Variants in CP observed in about 807,000 individuals in gnomAD.
CP encodes the protein ceruloplasmin, also known as caeruloplasmin.
Under a neutral mutation model 122.4 loss-of-function variants are expected in CP, and 64 were observed. The observed-to-expected ratio is 0.52, with a 90% CI of 0.43 to 0.64. The LOEUF (loss-of-function observed/expected upper bound fraction) is 0.64. Among genes scored for constraint, CP ranks in the 30% least tolerant of loss-of-function variants. The pLI is 0.00. For missense variants in CP, 1,167 were observed against 1,284.4 expected (o/e 0.91, Z 1.40); for synonymous variants, 440 against 436.4 (o/e 1.01, Z -0.10).
At position 149,181,993 on chromosome 3, in the gene CP, C is replaced by CCA; in HGVS notation, c.2554+11_2554+12insTG. 1 of 917,706 alleles carries CCA rather than the reference C, an allele frequency of 1.1e-6. No individual in the cohort carries two copies. Among genetic ancestry groups the CCA allele is most frequent in the Non-Finnish European group, 1.6e-6 (1 of 613,802 alleles). The allele number at this position is 917,706 out of a possible 1,614,324, so 56.8% of individuals were successfully genotyped here. ...TAAAATGCACCACCCCCACCCCCGC[C>CCA]CCCGTGAGTACCTGGTAATGTTGGA... On this transcript the variant is annotated intron_variant, in intron 14 of 18. Coordinates refer to ENST00000264613, the MANE Select transcript of CP (RefSeq NM_000096.4).
rs1309328842 is a variant in CP, at chr3:149,202,273, G to A, written c.1209-32C>T. 5 of 1,613,776 alleles carry A rather than the reference G, an allele frequency of 3.1e-6. No homozygotes were observed. In the African/African-American group the frequency reaches 5.3e-5, roughly 17 times the overall value. On this transcript the variant is annotated intron_variant, in intron 6 of 18. Coordinates refer to ENST00000264613, the MANE Select transcript of CP (RefSeq NM_000096.4). ...GGGGAAAAAAGTGTTTAATGCTGGG[G>A]TTGAAGTAGAACAGAAAGCAGGTAT...
At chr3:149,191,969 C>A (rs1047747159) in intron 9 of CP, among the ~76,000 whole-genome samples, 1 of 152,058 alleles carries the variant, frequency 6.6e-6, no homozygotes, top group Admixed American at 6.6e-5. Context: ...GAGATGAATT[C>A]TCTCCAACTA....
Position 149,210,341 on chromosome 3 carries a change from CT to C in CP, c.432del (p.Ala145GlnfsTer31). The C allele has an allele frequency of 6.2e-7, 1 of 1,614,062 alleles. No homozygotes were observed. The highest frequency in any genetic ancestry group is 1.3e-5 in the African/African-American group (1 of 75,038). The stretch of plus-strand genomic sequence containing the variant: ...TCTCCTGGATATACTTTGTCATCTG[CT>C]CTTTGAAAATCTGTGGTGTTATCAG... ...IYPDNTTDFQ[R>X]ADDKVYPGEQ... is the part of the protein sequence containing the mutation. On this transcript the variant is annotated frameshift_variant, in exon 3 of 19. Coordinates refer to ENST00000264613, the MANE Select transcript of CP (RefSeq NM_000096.4). LOFTEE classifies it high-confidence loss of function.
At chr3:149,183,379 A>G in intron 13 of CP, 87 bp downstream of exon 13, 1 of 1,419,006 alleles carries the variant, frequency 7.0e-7, no homozygotes, top group Admixed American at 1.8e-5. Context: ...AACCAAGAAA[A>G]TGAAACCCAT....
At chr3:149,173,912 ACTTT>A (rs1725225335) in intron 18 of CP, among the ~76,000 whole-genome samples, 182 bp from the exon 19 acceptor site, 1 of 152,172 alleles carries the variant, frequency 6.6e-6, no homozygotes, top group South Asian at 2.1e-4. Flanking sequence ...AAGAAAGATT[ACTTT>A]CTTCCCTACA....
chr3:149,214,043 C>T (rs1354651613), intron 1 of CP, among the ~76,000 whole-genome samples: 1 of 152,150 alleles, frequency 6.6e-6, no homozygotes, highest in Admixed American at 6.5e-5. Flanking sequence ...CATTATTAAC[C>T]AACACACTGG....
chr3:149,182,280 A>G lies in CP; in HGVS notation c.2426-147T>C, dbSNP rs1052607913. 3.9e-5 allele frequency: 34 copies of G among 882,626 alleles called. No homozygotes were observed. The South Asian group carries it at 4.5e-4, about 12-fold the overall frequency. The allele number at this position is 882,626 out of a possible 1,614,324, so 54.7% of individuals were successfully genotyped here. ...TATACTGCGTCCCAGGGAATTTGGA[A>G]TCAATACACTGGAAATAAAAATGGA... On this transcript the variant is annotated intron_variant, in intron 13 of 18. Coordinates refer to ENST00000264613, the MANE Select transcript of CP (RefSeq NM_000096.4).
chr3:149,177,784 C>T (rs752008793), intron 17 of CP, 56 bp downstream of exon 17: 1 of 1,574,812 alleles, frequency 6.3e-7, no homozygotes, highest in Admixed American at 1.7e-5. Flanking sequence ...ATTTTCTTCA[C>T]TTGTATTAAA....
At position 149,194,686 on chromosome 3, in the gene CP, A is replaced by C. The variant is rs570274035; in HGVS notation, c.1713+3681T>G. Among the ~76,000 whole-genome samples the C allele has an allele frequency of 2.6e-5, 4 of 152,360 alleles. No individual in the cohort carries two copies. The East Asian group carries it at 7.7e-4, about 29-fold the overall frequency. Reference sequence around the variant, plus strand: ...GAAAAACACAAAAGTAGACTTGAACAAATGGAAAGACATACGTTCTTATGT... The same window carrying C: ...GAAAAACACAAAAGTAGACTTGAACCAATGGAAAGACATACGTTCTTATGT... On this transcript the variant is annotated intron_variant, in intron 9 of 18. Coordinates refer to ENST00000264613, the MANE Select transcript of CP (RefSeq NM_000096.4).
chr3:149,212,143 A>T (rs1000592550), intron 2 of CP, among the ~76,000 whole-genome samples: 1 of 151,710 alleles, frequency 6.6e-6, no homozygotes, highest in African/African-American at 2.4e-5. Context: ...AATGCAAAAA[A>T]AAAATAAAAA....
At chr3:149,186,753 C>T (rs1244401025) in intron 10 of CP, 21 bp from the exon 11 acceptor site, 38 of 1,609,736 alleles carry the variant, frequency 2.4e-5, no homozygotes, top group Non-Finnish European at 3.1e-5. Context: ...TGGGAAATAA[C>T]ATTTTGGAAG....
rs761993983 is a variant in CP at position 149,185,255 on chromosome 3, G to T, written c.2269C>A (p.His757Asn). The change falls in exon 12 of 19, where the codon CAT becomes AAT. Residue 757 changes from histidine (H) to asparagine (N), a missense_variant. By Grantham distance (68) the His-to-Asn change is moderately conservative. This residue lies in a region of CP where 525 missense variants were observed against 657.2 expected (regional missense o/e 0.80). Transcript: ENST00000264613. ...GAGAATTACTTCTGCTCTTGTAAAT[G>T]ATGCAGCTCCTTTTCCCACTCCCTT... is the stretch of plus-strand genomic sequence containing the variant. The part of the protein sequence containing the change: ...PQREWEKELH[H>N]LQEQNVSNAF... 11 of 1,612,682 alleles carry T rather than the reference G, an allele frequency of 6.8e-6. No homozygotes were observed. The highest frequency in any genetic ancestry group is 8.5e-6 in the Non-Finnish European group (10 of 1,179,886).
At chr3:149,189,955 G>A (rs1340202761) in intron 9 of CP, among the ~76,000 whole-genome samples, 1 of 152,130 alleles carries the variant, frequency 6.6e-6, no homozygotes, top group Non-Finnish European at 1.5e-5. Flanking sequence ...TGAGCATGCT[G>A]TAAAGAAAAA....
intron 1 of CP, among the ~76,000 whole-genome samples, chr3:149,220,132 G>A (rs922941658): frequency 5.9e-5 from 9 of 152,024 alleles, no homozygotes; most frequent in East Asian, 1.9e-4. Context: ...AATTTCCTCC[G>A]CCCCCATTCA....
intron 1 of CP, chr3:149,217,986 C>A: frequency 3.5e-6 from 1 of 283,458 alleles, no homozygotes; most frequent in Non-Finnish European, 7.3e-6. Flanking sequence ...TTGGAAACCT[C>A]TAATGGAATG....
chr3:149,209,662 G>A (rs1014498721), intron 3 of CP, among the ~76,000 whole-genome samples: 8 of 152,058 alleles, frequency 5.3e-5, no homozygotes, highest in Admixed American at 2.6e-4. Flanking sequence ...TCAAAGTTGT[G>A]CGTCTATTTT....
At chr3:149,211,480 C>CT (rs1002537845) in intron 2 of CP, among the ~76,000 whole-genome samples, 4 of 152,266 alleles carry the variant, frequency 2.6e-5, no homozygotes, top group East Asian at 1.9e-4. Context: ...AAAATACCAC[C>CT]TTTTTTACCA....
intron 9 of CP, among the ~76,000 whole-genome samples, chr3:149,194,999 C>A (rs1726803927): frequency 6.6e-6 from 1 of 152,100 alleles, no homozygotes; most frequent in African/African-American, 2.4e-5. Context: ...TAGAAATAGA[C>A]TCACTTATAT....
At chr3:149,221,542 C>A in intron 1 of CP, 105 bp downstream of exon 1, 1 of 1,040,834 alleles carries the variant, frequency 9.6e-7, no homozygotes, top group Non-Finnish European at 1.4e-6. Flanking sequence ...CCACATTTTG[C>A]AGTTTCTGTA....
Sources: allele counts gnomAD v4.1 joint callset (sites outside exome capture counted in the v4.1 genomes callset), GRCh38; gene constraint gnomAD v4.1.1; regional missense constraint gnomAD v4.1.1; transcripts MANE v1.5; gene names NCBI Gene and HGNC (gene_info 2026-07-23, HGNC 2026-07-21).